The following MICAL3 variants were observed in gnomAD, a reference collection of about 807,000 sequenced individuals.
The protein encoded by MICAL3 is [F-actin]-monooxygenase MICAL3.
In MICAL3, 62 loss-of-function variants were observed where a neutral mutation model predicts 207.4. That is an observed-to-expected ratio of 0.30 (90% CI 0.24 to 0.37). The LOEUF is 0.37. Ranked by LOEUF, MICAL3 falls within the 10% of genes least tolerant of loss-of-function variation. The pLI is 1.00. For synonymous variants in MICAL3, 1,077 were observed against 1,069.3 expected, an observed-to-expected ratio of 1.01 and a Z score of -0.14; for missense variants, 2,368 against 2,635.6, an observed-to-expected ratio of 0.90 and a Z score of 2.22.
chr22:17,893,755 A>G, intron 11 of MICAL3, 53 bp downstream of exon 11: 1 of 1,298,224 alleles, frequency 7.7e-7, no homozygotes. Flanking sequence ...GAATGAGTAT[A>G]GACTTCTCTG....
chr22:17,970,334 G>C (rs1935347002), intron 1 of MICAL3, among the ~76,000 whole-genome samples: 1 of 152,196 alleles, frequency 6.6e-6, no homozygotes, highest in African/African-American at 2.4e-5. Context: ...ATGCTTAGAG[G>C]ATGTTCGTGG....
chr22:17,848,794 C>G (rs560173394), intron 19 of MICAL3, among the ~76,000 whole-genome samples: 8 of 152,236 alleles, frequency 5.3e-5, no homozygotes, highest in African/African-American at 1.9e-4. Context: ...TACAAAAGGT[C>G]TTCCTGCACT....
At chr22:17,881,959 T>G (rs1386774362) in intron 16 of MICAL3, among the ~76,000 whole-genome samples, 3 of 152,110 alleles carry the variant, frequency 2.0e-5, no homozygotes, top group Non-Finnish European at 4.4e-5. Context: ...CGCTGGTATT[T>G]GAGAAACAAT....
chr22:17,845,703 C>G (rs776233513), intron 19 of MICAL3, among the ~76,000 whole-genome samples: 6 of 152,222 alleles, frequency 3.9e-5, no homozygotes, highest in Non-Finnish European at 7.3e-5. Flanking sequence ...AGGCATCACT[C>G]AGGAGATCAC....
In MICAL3 at chr22:17,841,969, C is replaced by A. The variant is rs769314174; in HGVS notation, c.2654G>T (p.Arg885Met). The A allele has an allele frequency of 1.2e-6, 2 of 1,607,114 alleles. No individual in the cohort carries two copies. The highest frequency in any genetic ancestry group is 2.2e-5 in the East Asian group (1 of 44,834). ...CAGCTCGATCCGCTCTGGGGTGCCC[C>A]TCAGTCGCTTGGCGATGCTGGGCTC... The part of the protein sequence containing the change: ...LEEPSIAKRL[R>M]GTPERIELEN... Residue 885 changes from arginine to methionine, a missense_variant, in exon 20 of 32, where the codon AGG becomes ATG. By Grantham distance (91) the Arg-to-Met change is moderately conservative (BLOSUM62 -1). Coordinates refer to ENST00000441493, the MANE Select transcript of MICAL3 (RefSeq NM_015241.3). The surrounding 1 kb of genome is among the most constrained non-coding windows in gnomAD (Gnocchi z 4.2).
chr22:17,904,888 T>G (rs780267439), intron 2 of MICAL3, 49 bp from the exon 3 acceptor site: 11 of 1,332,552 alleles, frequency 8.3e-6, no homozygotes, highest in Non-Finnish European at 1.2e-5. Flanking sequence ...CAACAAACAA[T>G]TCTCAAGAAG....
At chr22:17,964,621 A>T (rs377570768) in intron 1 of MICAL3, among the ~76,000 whole-genome samples, 2 of 152,324 alleles carry the variant, frequency 1.3e-5, no homozygotes, top group South Asian at 2.1e-4. Flanking sequence ...ACCCACCTCC[A>T]CACTAGAACC....
In MICAL3 at chr22:17,904,916, C is replaced by G. The variant is rs561972390; in HGVS notation, c.265-77G>C. On this transcript the variant is annotated intron_variant, in intron 2 of 31. Coordinates refer to ENST00000441493, the MANE Select transcript of MICAL3 (RefSeq NM_015241.3). ...TCAAGAAGTCTCATGATTGTAAGAT[C>G]ATCACTCCCTAAAGCCCCGAAATAG... The G allele has an allele frequency of 1.0e-4, 113 of 1,100,864 alleles. 1 individual carries two copies. In the South Asian group the frequency reaches 1.4e-3, roughly 14 times the overall value. 68.2% of individuals were successfully genotyped at this position (1,100,864 alleles called of 1,614,324 possible).
At chr22:17,974,418 A>C (rs957226709) in intron 1 of MICAL3, among the ~76,000 whole-genome samples, 9 of 152,244 alleles carry the variant, frequency 5.9e-5, no homozygotes, top group African/African-American at 1.9e-4. Context: ...TACATTTATA[A>C]GAGCTGTGTG....
At chr22:17,863,850 A>T in intron 19 of MICAL3, 1 of 985,230 alleles carries the variant, frequency 1.0e-6, no homozygotes, top group East Asian at 1.1e-4. Context: ...TCTATGACCA[A>T]CTCCTCCTCC....
chr22:17,791,246 C>A lies in MICAL3; in HGVS notation c.5706G>T (p.Gln1902His). 6.2e-7 allele frequency: 1 copy of A among 1,613,966 alleles called. No individual in the cohort carries two copies. The highest frequency in any genetic ancestry group is 1.1e-5 in the South Asian group (1 of 91,066). The change falls in exon 30 of 32, where the codon CAG becomes CAT. Residue 1902 changes from glutamine to histidine, a missense_variant. By Grantham distance (24) the Gln-to-His change is conservative (BLOSUM62 0). Transcript: ENST00000441493. ...CGTAGCGCACCATGGCGTTCTTCTCCTGCACTAGCTTGAACCACTCCTGCA... is the reference window on the plus strand; with the variant it reads ...CGTAGCGCACCATGGCGTTCTTCTCATGCACTAGCTTGAACCACTCCTGCA... The part of the protein sequence containing the change: ...KLMQEWFKLV[Q>H]EKNAMVRYES...
intron 1 of MICAL3, among the ~76,000 whole-genome samples, chr22:17,918,710 G>C (rs1187103797): frequency 6.6e-6 from 1 of 151,890 alleles, no homozygotes; most frequent in Non-Finnish European, 1.5e-5. Flanking sequence ...ATCCCTGCTG[G>C]CCGCAATGGC....
intron 27 of MICAL3, chr22:17,815,694 G>A (rs915929636): frequency 2.0e-5 from 3 of 152,440 alleles, no homozygotes; most frequent in African/African-American, 4.8e-5. Flanking sequence ...GAGTCTTCTA[G>A]GAGAGGGGCC....
chr22:17,973,330 G>A (rs1935502466), intron 1 of MICAL3, among the ~76,000 whole-genome samples: 1 of 152,192 alleles, frequency 6.6e-6, no homozygotes, highest in Non-Finnish European at 1.5e-5. Flanking sequence ...TTACCAAATG[G>A]GAGAAACTTT....
chr22:17,884,377 G>T, intron 16 of MICAL3: 1 of 1,574,546 alleles, frequency 6.4e-7, no homozygotes, highest in South Asian at 1.2e-5. Flanking sequence ...CACAGGCCAA[G>T]TGTGGGTGGG....
At chr22:17,974,016 C>T (rs1935529740) in intron 1 of MICAL3, among the ~76,000 whole-genome samples, 1 of 152,128 alleles carries the variant, frequency 6.6e-6, no homozygotes, top group African/African-American at 2.4e-5. Context: ...GAAGACTCAC[C>T]CAAAAATGGT....
At chr22:17,930,090 G>A (rs144056544) in intron 1 of MICAL3, among the ~76,000 whole-genome samples, 2 of 152,112 alleles carry the variant, frequency 1.3e-5, no homozygotes, top group East Asian at 3.9e-4. Flanking sequence ...ATTAGTCACA[G>A]GAAGTCCATC....
chr22:17,879,266 C>T (rs1004966508), intron 16 of MICAL3: 5 of 1,285,408 alleles, frequency 3.9e-6, no homozygotes, highest in Non-Finnish European at 5.4e-6. Context: ...CCCCATATCC[C>T]TTCCCGCTGC....
chr22:17,948,552 G>A (rs371919303), intron 1 of MICAL3, among the ~76,000 whole-genome samples: 1 of 152,168 alleles, frequency 6.6e-6, no homozygotes, highest in Non-Finnish European at 1.5e-5. Flanking sequence ...TGGGCTCATC[G>A]TGGAAATCAA....
Sources: allele counts gnomAD v4.1 joint callset (sites outside exome capture counted in the v4.1 genomes callset), GRCh38; gene constraint gnomAD v4.1.1; non-coding constraint Gnocchi (gnomAD v3.1); transcripts MANE v1.5; gene names NCBI Gene and HGNC (gene_info 2026-07-23, HGNC 2026-07-21).